The following NOSTRIN variants were observed in gnomAD, a reference collection of about 807,000 sequenced individuals.
The protein encoded by NOSTRIN is nitric oxide synthase trafficking.
Under a neutral mutation model 59.0 loss-of-function variants are expected in NOSTRIN, and 63 were observed. The ratio of observed to expected loss-of-function variants is 1.07; its 90% confidence interval spans 0.87 to 1.32. The LOEUF is 1.32. Among genes scored for constraint, NOSTRIN ranks in the 40% most tolerant of loss-of-function variants. The pLI is 0.00. For missense variants in NOSTRIN, 512 were observed against 473.1 expected (o/e 1.08, Z -0.76); for synonymous variants, 200 against 165.4 (o/e 1.21, Z -1.61).
At chr2:168,856,079 C>T (rs933178064) in intron 11 of NOSTRIN, 1 of 226,962 alleles carries the variant, frequency 4.4e-6, no homozygotes, top group African/African-American at 2.4e-5. Flanking sequence ...GAGGAAGAAG[C>T]CAACGTTGGG....
upstream of NOSTRIN, among the ~76,000 whole-genome samples, chr2:168,797,976 AG>A (rs1685529379): frequency 6.6e-6 from 1 of 152,196 alleles, no homozygotes; most frequent in Admixed American, 6.5e-5. Flanking sequence ...AAGATATTCA[AG>A]TCCCTTATAT....
rs1559137137 is a variant in NOSTRIN, at chr2:168,851,417, T to TG, written c.855+15dup. On this transcript the variant is annotated intron_variant, in intron 10 of 15. Coordinates refer to ENST00000317647, the MANE Select transcript of NOSTRIN (RefSeq NM_001039724.4). Reference sequence around the variant, plus strand: ...AACGGATTACTTTGTGAGTATGAAATGGAAAAAAAAAGTTACATTAATGGA... The same window carrying TG: ...AACGGATTACTTTGTGAGTATGAAATGGGAAAAAAAAAGTTACATTAATGGA... The TG allele has an allele frequency of 6.3e-7, 1 of 1,586,336 alleles. No homozygotes were observed. Among genetic ancestry groups the TG allele is most frequent in the Non-Finnish European group, 8.5e-7 (1 of 1,171,600 alleles).
chr2:168,855,198 C>A (rs981528041), intron 10 of NOSTRIN, among the ~76,000 whole-genome samples, 154 bp from the exon 11 acceptor site: 1 of 152,026 alleles, frequency 6.6e-6, no homozygotes, highest in African/African-American at 2.4e-5. Flanking sequence ...ACAGGTAGAA[C>A]AATGTGTGTA....
At chr2:168,851,427 A>G (rs1336651282) in intron 10 of NOSTRIN, 23 bp downstream of exon 10, 2 of 1,586,886 alleles carry the variant, frequency 1.3e-6, no homozygotes, top group Non-Finnish European at 1.7e-6. Flanking sequence ...TGGAAAAAAA[A>G]AGTTACATTA....
intron 2 of NOSTRIN, among the ~76,000 whole-genome samples, chr2:168,789,367 G>T: frequency 6.6e-6 from 1 of 152,168 alleles, no homozygotes; most frequent in East Asian, 1.9e-4. Flanking sequence ...AACCATGGCC[G>T]AAGGCAAAAG....
chr2:168,805,052 A>G (rs562888673), intron 1 of NOSTRIN, among the ~76,000 whole-genome samples: 3 of 152,358 alleles, frequency 2.0e-5, no homozygotes, highest in South Asian at 2.1e-4. Context: ...TAAAAAATAT[A>G]TAATTCATTT....
chr2:168,838,085 T>C (rs1294055129), intron 7 of NOSTRIN, among the ~76,000 whole-genome samples: 1 of 152,212 alleles, frequency 6.6e-6, no homozygotes, highest in Non-Finnish European at 1.5e-5. Context: ...TTCTCAAGGA[T>C]TCAACTACAG....
At chr2:168,826,708 A>G (rs980111703) in intron 3 of NOSTRIN, among the ~76,000 whole-genome samples, 3 of 152,206 alleles carry the variant, frequency 2.0e-5, no homozygotes, top group Non-Finnish European at 4.4e-5. Context: ...GCCTGACTTC[A>G]TTTTTTAAAA....
At chr2:168,839,899 A>AT in intron 7 of NOSTRIN, among the ~76,000 whole-genome samples, 10 of 46,342 alleles carry the variant, frequency 2.2e-4, no homozygotes, top group East Asian at 1.5e-3. Flanking sequence ...AAAAAAAAAA[A>AT]AATATATATA....
rs1687183218 is a variant in NOSTRIN at position 168,828,559 on chromosome 2, C to A, written c.342+58C>A. Reference sequence around the variant, plus strand: ...TAAAGCAAGATTCCTGTGTTTAGCCCAGAAAAGGAAAAGGTGATCTGAAAG... The same window carrying A: ...TAAAGCAAGATTCCTGTGTTTAGCCAAGAAAAGGAAAAGGTGATCTGAAAG... On this transcript the variant is annotated intron_variant, in intron 5 of 15. Coordinates refer to ENST00000317647, the MANE Select transcript of NOSTRIN (RefSeq NM_001039724.4). 1.0e-5 allele frequency: 7 copies of A among 677,952 alleles called. No individual in the cohort carries two copies. The South Asian group carries it at 1.4e-4, about 14-fold the overall frequency. The allele number at this position is 677,952 out of a possible 1,614,324, so 42.0% of individuals were successfully genotyped here.
chr2:168,865,161 C>T lies in NOSTRIN; in HGVS notation c.*191C>T, dbSNP rs1306119758. Reference sequence around the variant, plus strand: ...CAGAAAAAAGATGGATGGGTGGAGACAGACAAGGAAGAGGCTCCTTGGTTC... The same window carrying T: ...CAGAAAAAAGATGGATGGGTGGAGATAGACAAGGAAGAGGCTCCTTGGTTC... On this transcript the variant is annotated 3_prime_UTR_variant, in exon 16 of 16. Coordinates refer to ENST00000317647, the MANE Select transcript of NOSTRIN (RefSeq NM_001039724.4). The T allele has an allele frequency of 1.6e-5, 10 of 631,932 alleles. No individual in the cohort carries two copies. Among genetic ancestry groups the T allele is most frequent in the Admixed American group, 3.1e-5 (1 of 31,788 alleles). 39.1% of individuals were successfully genotyped at this position (631,932 alleles called of 1,614,324 possible).
At position 168,864,847 on chromosome 2, in the gene NOSTRIN, T is replaced by C. The variant is rs773541469; in HGVS notation, c.1398T>C (p.Ile466=). The C allele has an allele frequency of 6.2e-7, 1 of 1,613,904 alleles. No homozygotes were observed. Among genetic ancestry groups the C allele is most frequent in the Admixed American group, 1.7e-5 (1 of 60,014 alleles). Residue 466 remains isoleucine (I), a synonymous_variant, in exon 16 of 16, where the codon ATT becomes ATC. Coordinates refer to ENST00000317647, the MANE Select transcript of NOSTRIN (RefSeq NM_001039724.4). ...GTATTTTCACAGGTGACATTGTGAT[T>C]ATACACGAGAAAAAAGAAGGAGGAT... ...ELNLEKGDIV[I]IHEKKEGGWW...
upstream of NOSTRIN, among the ~76,000 whole-genome samples, chr2:168,795,568 C>T (rs1685457365): frequency 6.6e-6 from 1 of 152,142 alleles, no homozygotes; most frequent in South Asian, 2.1e-4. Flanking sequence ...TCTTCTTTCT[C>T]CATTAACACC....
At chr2:168,827,141 C>A (rs950161753) in intron 3 of NOSTRIN, among the ~76,000 whole-genome samples, 1 of 151,044 alleles carries the variant, frequency 6.6e-6, no homozygotes, top group Admixed American at 6.6e-5. Flanking sequence ...AGATCCACCC[C>A]CTTCCTCTTC....
intron 5 of NOSTRIN, among the ~76,000 whole-genome samples, chr2:168,828,873 CTAATT>C (rs1415342264): frequency 1.3e-5 from 2 of 151,550 alleles, no homozygotes; most frequent in South Asian, 2.1e-4. Flanking sequence ...ATGAAAAAGT[CTAATT>C]TATACAATCT....
chr2:168,816,323 A>G (rs533878805), intron 2 of NOSTRIN, among the ~76,000 whole-genome samples: 8 of 152,282 alleles, frequency 5.3e-5, no homozygotes, highest in East Asian at 3.9e-4. Context: ...AAAGACTCCT[A>G]TGACCTTTAG....
At chr2:168,839,289 G>C (rs747249185) in intron 7 of NOSTRIN, among the ~76,000 whole-genome samples, 1 of 152,084 alleles carries the variant, frequency 6.6e-6, no homozygotes, top group African/African-American at 2.4e-5. Context: ...CGATTTTTGA[G>C]CACTTACTAT....
intron 1 of NOSTRIN, among the ~76,000 whole-genome samples, chr2:168,804,645 G>T (rs1685753344): frequency 6.6e-6 from 1 of 152,156 alleles, no homozygotes; most frequent in South Asian, 2.1e-4. Flanking sequence ...CCCCTTCCAT[G>T]AGTCCCTAGA....
chr2:168,824,620 T>A lies in NOSTRIN; in HGVS notation c.114-14T>A, dbSNP rs531525219. 6 of 871,094 alleles carry A rather than the reference T, an allele frequency of 6.9e-6. No homozygotes were observed. In the South Asian group the frequency reaches 7.8e-5, roughly 11 times the overall value. 54.0% of individuals were successfully genotyped at this position (871,094 alleles called of 1,614,324 possible). On this transcript the variant is annotated splice_polypyrimidine_tract_variant and intron_variant, in intron 2 of 15. Transcript: ENST00000317647. The stretch of plus-strand genomic sequence containing the variant: ...AGCCCAGTACATCCTATTTAACTAG[T>A]CCTTTTCTAACAGGGCAAACCTGGA...
Sources: allele counts gnomAD v4.1 joint callset (sites outside exome capture counted in the v4.1 genomes callset), GRCh38; gene constraint gnomAD v4.1.1; transcripts MANE v1.5; gene names NCBI Gene and HGNC (gene_info 2026-07-23, HGNC 2026-07-21).